The following STXBP5 variants were observed in gnomAD, a reference collection of about 807,000 sequenced individuals.
STXBP5 encodes syntaxin binding protein 5, also known as syntaxin-binding protein 5.
STXBP5 carries 50 observed loss-of-function variants against 152.4 expected under a neutral mutation model. That is an observed-to-expected ratio of 0.33 (90% CI 0.26 to 0.42). STXBP5 has a LOEUF of 0.42. STXBP5 is among the 10% of genes least tolerant of loss of function. The pLI is 1.00. For missense variants in STXBP5, 1,167 were observed against 1,388.6 expected, an observed-to-expected ratio of 0.84 and a Z score of 2.54; for synonymous variants, 492 against 494.7, an observed-to-expected ratio of 0.99 and a Z score of 0.07.
intron 11 of STXBP5, among the ~76,000 whole-genome samples, chr6:147,311,950 T>C (rs1782402719): frequency 6.6e-6 from 1 of 152,184 alleles, no homozygotes; most frequent in African/African-American, 2.4e-5. Flanking sequence ...TACTATCCTC[T>C]TCAAACCATG....
At chr6:147,365,366 C>G (rs1449703965) in intron 25 of STXBP5, among the ~76,000 whole-genome samples, 1 of 152,076 alleles carries the variant, frequency 6.6e-6, no homozygotes, top group Non-Finnish European at 1.5e-5. Flanking sequence ...CTTTCACTAG[C>G]AAAATGTTAT....
intron 8 of STXBP5, among the ~76,000 whole-genome samples, chr6:147,290,280 G>T (rs1447350563): frequency 2.0e-5 from 3 of 151,876 alleles, no homozygotes; most frequent in Non-Finnish European, 4.4e-5. Context: ...AAACAAAGAA[G>T]GTAAATATAA....
chr6:147,219,593 T>C (rs1392285685), intron 2 of STXBP5, among the ~76,000 whole-genome samples: 1 of 152,162 alleles, frequency 6.6e-6, no homozygotes, highest in Non-Finnish European at 1.5e-5. Context: ...AGATTGTTTC[T>C]TCTTGTCTGA....
At chr6:147,368,271 T>A (rs892012223) in intron 25 of STXBP5, among the ~76,000 whole-genome samples, 27 of 151,406 alleles carry the variant, frequency 1.8e-4, no homozygotes, top group East Asian at 7.8e-4. Flanking sequence ...AAAAAAAAAA[T>A]TTTTGCAAAT....
At chr6:147,344,163 G>GT (rs1784212373) in intron 21 of STXBP5, among the ~76,000 whole-genome samples, 1 of 152,020 alleles carries the variant, frequency 6.6e-6, no homozygotes, top group Non-Finnish European at 1.5e-5. Context: ...ATTTTTGAAT[G>GT]TATTTTCTGT....
rs774370865 is a variant in STXBP5 at position 147,213,432 on chromosome 6, A to ATG, written c.248+7365_248+7366insGT. On this transcript the variant is annotated intron_variant, in intron 2 of 27. Coordinates refer to ENST00000321680, the MANE Select transcript of STXBP5 (RefSeq NM_001127715.4). ...CCTCACCTGGCTCACATAATTTTAT[A>ATG]TATGTGTGTGTGTGTGTGTGTGTGT... 1.9e-3 allele frequency among the ~76,000 whole-genome samples: 231 copies of ATG among 121,062 alleles called. 2 individuals are homozygous for ATG. The highest frequency in any genetic ancestry group is 7.9e-3 in the Middle Eastern group (2 of 252). 79.4% of individuals were successfully genotyped at this position (121,062 alleles called of 152,430 possible). A position where few individuals can be genotyped will look rare whatever the true frequency, so the allele number is the denominator to read the frequency against.
At chr6:147,269,959 T>C (rs1780076404) in intron 7 of STXBP5, among the ~76,000 whole-genome samples, 2 of 151,920 alleles carry the variant, frequency 1.3e-5, no homozygotes, top group African/African-American at 2.4e-5. Context: ...ATTTAAAGAG[T>C]TGAATGAACT....
chr6:147,295,458 C>T (rs780680053), intron 9 of STXBP5, among the ~76,000 whole-genome samples: 5 of 152,288 alleles, frequency 3.3e-5, no homozygotes, highest in African/African-American at 4.8e-5. Context: ...CCCCCACACA[C>T]GCACACACAA....
At chr6:147,343,850 G>T (rs905600792) in intron 21 of STXBP5, among the ~76,000 whole-genome samples, 1 of 152,128 alleles carries the variant, frequency 6.6e-6, no homozygotes, top group South Asian at 2.1e-4. Context: ...AACCTGAAAC[G>T]TGGCTATTGA....
At chr6:147,303,752 G>C (rs1781947441) in intron 9 of STXBP5, among the ~76,000 whole-genome samples, 1 of 152,182 alleles carries the variant, frequency 6.6e-6, no homozygotes, top group African/African-American at 2.4e-5. Context: ...TGACCAAAAT[G>C]CTGATAGTGA....
intron 3 of STXBP5, among the ~76,000 whole-genome samples, chr6:147,238,382 TG>T (rs1447720133): frequency 6.6e-6 from 1 of 152,160 alleles, no homozygotes; most frequent in Admixed American, 6.5e-5. Context: ...CCCTGGAGAC[TG>T]CATTAAACCC....
rs762237065 is a variant in STXBP5 at position 147,310,237 on chromosome 6, T to C, written c.1071T>C (p.Asn357=). The change falls in exon 10 of 28, where the codon AAT becomes AAC. Residue 357 remains asparagine, a splice_region_variant and synonymous_variant. Coordinates refer to ENST00000321680, the MANE Select transcript of STXBP5 (RefSeq NM_001127715.4). ...FLTLCETPYP[N]DFQEPYAVVV... is the part of the protein sequence containing the mutation. ...CGCTGTGTGAAACACCATACCCAAA[T>C]GGTAAGCTTTGCAACTTTAAAGCTC... 3 of 1,553,940 alleles carry C rather than the reference T, an allele frequency of 1.9e-6. No individual in the cohort carries two copies. The South Asian group carries it at 3.7e-5, about 19-fold the overall frequency.
At chr6:147,216,409 CAAA>C in intron 2 of STXBP5, among the ~76,000 whole-genome samples, 1 of 152,018 alleles carries the variant, frequency 6.6e-6, no homozygotes, top group African/African-American at 2.4e-5. Context: ...AAAAACAAAA[CAAA>C]AAAATTCATA....
chr6:147,310,467 T>C (rs572292452), intron 10 of STXBP5, among the ~76,000 whole-genome samples: 1 of 152,262 alleles, frequency 6.6e-6, no homozygotes, highest in South Asian at 2.1e-4. Flanking sequence ...TTTAAAATTC[T>C]GTTAAGATAG....
chr6:147,379,422 TCAAA>T (rs758689569), intron 26 of STXBP5, among the ~76,000 whole-genome samples: 5 of 152,092 alleles, frequency 3.3e-5, no homozygotes, highest in Non-Finnish European at 2.9e-5. Flanking sequence ...TAAAGAAGAT[TCAAA>T]CAAATTGATG....
At chr6:147,241,094 G>A (rs1778518615) in intron 4 of STXBP5, among the ~76,000 whole-genome samples, 1 of 152,108 alleles carries the variant, frequency 6.6e-6, no homozygotes, top group South Asian at 2.1e-4. Context: ...AACTTGCACA[G>A]TTTTTAAATT....
chr6:147,239,082 G>A, intron 3 of STXBP5, 88 bp from the exon 4 acceptor site: 1 of 1,183,576 alleles, frequency 8.4e-7, no homozygotes, highest in Non-Finnish European at 1.2e-6. Context: ...TTTGAAATTT[G>A]GGAAGGAGAT....
chr6:147,291,062 T>C, intron 8 of STXBP5, 32 bp from the exon 9 acceptor site: 1 of 1,552,300 alleles, frequency 6.4e-7, no homozygotes, highest in Admixed American at 1.7e-5. Flanking sequence ...AACTTAGAAT[T>C]TTAGAATTTA....
chr6:147,215,481 A>G (rs1777115404), intron 2 of STXBP5, among the ~76,000 whole-genome samples: 1 of 152,132 alleles, frequency 6.6e-6, no homozygotes, highest in African/African-American at 2.4e-5. Flanking sequence ...CCCAGGCTCA[A>G]GGGATCCTCC....
Sources: allele counts gnomAD v4.1 joint callset (sites outside exome capture counted in the v4.1 genomes callset), GRCh38; gene constraint gnomAD v4.1.1; transcripts MANE v1.5; gene names NCBI Gene and HGNC (gene_info 2026-07-23, HGNC 2026-07-21).